The following ERC1 variants were observed in gnomAD, a reference collection of about 807,000 sequenced individuals.
The protein encoded by ERC1 is RAB6 interacting protein 2.
In ERC1, 56 loss-of-function variants were observed where a neutral mutation model predicts 132.0. The observed-to-expected ratio is 0.42, with a 90% confidence interval of 0.34 to 0.53. ERC1 has a LOEUF of 0.53. Ranked by LOEUF, ERC1 falls within the 20% of genes least tolerant of loss-of-function variation. The pLI, the probability that ERC1 is intolerant of heterozygous loss-of-function variation, is 0.03. For missense variants in ERC1, 1,202 were observed against 1,349.9 expected, an observed-to-expected ratio of 0.89 and a Z score of 1.72; for synonymous variants, 478 against 476.1, an observed-to-expected ratio of 1.00 and a Z score of -0.05.
chr12:1,109,056 AT>A (rs202197271), intron 4 of ERC1, among the ~76,000 whole-genome samples: 5,032 of 152,332 alleles, frequency 0.033, 121 homozygotes, highest in Non-Finnish European at 0.052. Flanking sequence ...TACTTAATTT[AT>A]GCTCTTTAAG....
chr12:1,252,921 G>A (rs1238599505), intron 13 of ERC1, among the ~76,000 whole-genome samples: 1 of 152,182 alleles, frequency 6.6e-6, no homozygotes, highest in African/African-American at 2.4e-5. Flanking sequence ...CTTAGGGGAT[G>A]GGGAAGAGGG....
Position 1,329,155 on chromosome 12 carries a change from G to A in ERC1, c.2780+39143G>A, listed in dbSNP as rs1048066814. ...CTAAAAAATACAAAATTAGCCAGGC[G>A]TGGTGGCACATGCCTGTAATCCCAG... is the stretch of plus-strand genomic sequence containing the variant. On this transcript the variant is annotated intron_variant, in intron 15 of 18. Transcript: ENST00000360905. Among the ~76,000 whole-genome samples the A allele has an allele frequency of 1.3e-4, 19 of 145,684 alleles. 3 individuals carry two copies. In the East Asian group the frequency reaches 2.1e-3, roughly 16 times the overall value.
intron 12 of ERC1, among the ~76,000 whole-genome samples, chr12:1,202,768 A>G (rs1429390673): frequency 6.6e-6 from 1 of 152,212 alleles, no homozygotes; most frequent in African/African-American, 2.4e-5. Context: ...GCAGGAATGC[A>G]TTCCATTTTT....
intron 14 of ERC1, among the ~76,000 whole-genome samples, chr12:1,277,075 A>C (rs751330238): frequency 1.3e-5 from 2 of 152,186 alleles, no homozygotes; most frequent in Non-Finnish European, 2.9e-5. Flanking sequence ...GGAAAAATAC[A>C]ATTTAGAAAT....
chr12:1,237,782 T>G (rs2075521221), intron 13 of ERC1, among the ~76,000 whole-genome samples: 1 of 151,980 alleles, frequency 6.6e-6, no homozygotes, highest in Non-Finnish European at 1.5e-5. Flanking sequence ...AAGAATACCA[T>G]AAATGTGCTG....
chr12:1,241,799 A>G (rs1411787437), intron 13 of ERC1, among the ~76,000 whole-genome samples: 2 of 149,550 alleles, frequency 1.3e-5, no homozygotes, highest in African/African-American at 2.5e-5. Context: ...ATTTCATTCT[A>G]GATTCATTGT....
At chr12:1,183,128 T>G (rs186850707) in intron 10 of ERC1, among the ~76,000 whole-genome samples, 153 bp from the exon 11 acceptor site, 1 of 152,150 alleles carries the variant, frequency 6.6e-6, no homozygotes, top group African/African-American at 2.4e-5. Flanking sequence ...AGAGCTAATA[T>G]TGTTTTATAT....
At chr12:1,123,243 G>A (rs1482883661) in intron 7 of ERC1, among the ~76,000 whole-genome samples, 1 of 152,034 alleles carries the variant, frequency 6.6e-6, no homozygotes, top group Non-Finnish European at 1.5e-5. Flanking sequence ...AATCAAAATG[G>A]AATGTATAAG....
intron 2 of ERC1, among the ~76,000 whole-genome samples, chr12:1,042,255 T>A (rs1970338430): frequency 6.6e-6 from 1 of 151,958 alleles, no homozygotes; most frequent in Non-Finnish European, 1.5e-5. Context: ...GCTAGGATGG[T>A]CTTAACCTCC....
intron 18 of ERC1, among the ~76,000 whole-genome samples, chr12:1,474,683 T>C (rs77822995): frequency 0.013 from 1,979 of 152,282 alleles, 52 homozygotes; most frequent in African/African-American, 0.046. Context: ...CTCGCATTCC[T>C]TATTCTTTAG....
intron 8 of ERC1, among the ~76,000 whole-genome samples, chr12:1,147,310 G>C (rs1950469681): frequency 6.6e-6 from 1 of 152,140 alleles, no homozygotes; most frequent in African/African-American, 2.4e-5. Flanking sequence ...TTTGCTGAGG[G>C]TTTTAATCAT....
At chr12:1,436,975 T>C (rs1197588504) in intron 17 of ERC1, among the ~76,000 whole-genome samples, 1 of 151,460 alleles carries the variant, frequency 6.6e-6, no homozygotes, top group Non-Finnish European at 1.5e-5. Flanking sequence ...CATTCAGATA[T>C]ATATATATAT....
At chr12:1,205,844 T>A (rs967807531) in intron 12 of ERC1, among the ~76,000 whole-genome samples, 1 of 152,118 alleles carries the variant, frequency 6.6e-6, no homozygotes, top group Non-Finnish European at 1.5e-5. Context: ...CTCATTTTAG[T>A]GGGAAGTTTT....
At chr12:1,022,570 C>G (rs1215238251) in intron 1 of ERC1, among the ~76,000 whole-genome samples, 1 of 152,080 alleles carries the variant, frequency 6.6e-6, no homozygotes, top group Non-Finnish European at 1.5e-5. Context: ...ATTGTAGTTC[C>G]CATAATCCCT....
At chr12:1,085,883 C>CGTT (rs201567993) in intron 3 of ERC1, among the ~76,000 whole-genome samples, 11 of 244 alleles carry the variant, frequency 0.045, 3 homozygotes, top group East Asian at 0.5. Context: ...ATGCCTGGCC[C>CGTT]ATTATTATTA....
At chr12:1,408,281 C>A in intron 17 of ERC1, 34 bp downstream of exon 17, 1 of 1,486,992 alleles carries the variant, frequency 6.7e-7, no homozygotes, top group Non-Finnish European at 9.3e-7. Flanking sequence ...ATTAAAAAAC[C>A]CACACACTTA....
intron 18 of ERC1, among the ~76,000 whole-genome samples, chr12:1,455,182 G>A (rs1184091699): frequency 1.3e-5 from 2 of 152,038 alleles, no homozygotes; most frequent in Admixed American, 1.3e-4. Context: ...AGAATAATTG[G>A]GATATCTGTC....
At chr12:1,394,023 A>AAAC (rs1566757275) in intron 16 of ERC1, among the ~76,000 whole-genome samples, 7 of 106,050 alleles carry the variant, frequency 6.6e-5, no homozygotes, top group African/African-American at 3.2e-4. Flanking sequence ...CTCAAAAAAA[A>AAAC]AAAAAAAAAA....
At chr12:1,317,763 T>A (rs1042183278) in intron 15 of ERC1, among the ~76,000 whole-genome samples, 4 of 152,088 alleles carry the variant, frequency 2.6e-5, no homozygotes, top group African/African-American at 9.7e-5. Flanking sequence ...TATGGTGATC[T>A]TTGGATCTCG....
Sources: allele counts gnomAD v4.1 joint callset (sites outside exome capture counted in the v4.1 genomes callset), GRCh38; gene constraint gnomAD v4.1.1; transcripts MANE v1.5; gene names NCBI Gene and HGNC (gene_info 2026-07-23, HGNC 2026-07-21).